Variants in FANCA observed in about 807,000 individuals in gnomAD.
FANCA encodes the protein Fanconi anemia group A protein.
A neutral mutation model predicts 194.3 loss-of-function variants in FANCA; 236 were observed. The ratio of observed to expected loss-of-function variants is 1.21; its 90% CI spans 1.09 to 1.35. FANCA has a LOEUF of 1.35. Ranked by LOEUF, FANCA falls within the 40% of genes most tolerant of loss-of-function variation. FANCA has a pLI of 0.00. For synonymous variants in FANCA, 1,014 were observed against 715.8 expected (o/e 1.42, Z -6.65); for missense variants, 2,628 against 1,813.9 (o/e 1.45, Z -8.15).
chr16:89,758,768 C>G lies in FANCA; in HGVS notation c.2853-63G>C, dbSNP rs2143226797. The G allele has an allele frequency of 1.9e-6, 3 of 1,602,572 alleles. No homozygotes were observed. The South Asian group carries it at 3.3e-5, about 18-fold the overall frequency. On this transcript the variant is annotated intron_variant, in intron 29 of 42. Transcript: ENST00000389301. ...CTTCGTGGCCAGCGGTTCCCCATAA[C>G]CAGGGAATAGGCCCATAGTAAGGGA...
intron 3 of FANCA, among the ~76,000 whole-genome samples, chr16:89,813,470 T>A (rs1019095681): frequency 1.3e-5 from 2 of 151,934 alleles, no homozygotes; most frequent in African/African-American, 4.8e-5. Flanking sequence ...TTTGCTCTTA[T>A]TGCCCAGGCT....
intron 14 of FANCA, among the ~76,000 whole-genome samples, chr16:89,790,083 A>T (rs1204137565): frequency 6.6e-6 from 1 of 152,210 alleles, no homozygotes; most frequent in African/African-American, 2.4e-5. Context: ...GAAATGAAGT[A>T]CTTGTTTCAG....
At chr16:89,795,873 G>A (rs2040228268) in intron 11 of FANCA, 33 bp downstream of exon 11, 4 of 1,516,820 alleles carry the variant, frequency 2.6e-6, no homozygotes, top group African/African-American at 1.4e-5. Context: ...CCCAAAATGG[G>A]TAGCAACTGA....
intron 8 of FANCA, among the ~76,000 whole-genome samples, chr16:89,801,465 T>A (rs1450306360): frequency 6.6e-6 from 1 of 151,880 alleles, no homozygotes; most frequent in African/African-American, 2.4e-5. Context: ...AAATAACAAA[T>A]GCTGGTGAGA....
chr16:89,737,779 T>A lies in FANCA; in HGVS notation c.*822A>T. On this transcript the variant is annotated 3_prime_UTR_variant, in exon 43 of 43. Transcript: ENST00000389301. ...CCGGGAGGTTGGAGCATCAGGGGCC[T>A]GGACTCACTGGACTCTCCCCTCTCA... is the stretch of plus-strand genomic sequence containing the variant. 1 of 1,614,046 alleles carries A rather than the reference T, an allele frequency of 6.2e-7. No individual in the cohort carries two copies. The highest frequency in any genetic ancestry group is 1.3e-5 in the African/African-American group (1 of 75,066).
At chr16:89,748,084 C>T (rs2038452596) in intron 33 of FANCA, among the ~76,000 whole-genome samples, 1 of 152,130 alleles carries the variant, frequency 6.6e-6, no homozygotes, top group Admixed American at 6.6e-5. Context: ...GCTAATTTTT[C>T]TATTTTTTGT....
At chr16:89,797,653 G>T (rs936182515) in intron 10 of FANCA, among the ~76,000 whole-genome samples, 1 of 152,158 alleles carries the variant, frequency 6.6e-6, no homozygotes, top group African/African-American at 2.4e-5. Flanking sequence ...TGAGGTGGGT[G>T]TTATCACTTG....
chr16:89,743,061 G>A, intron 36 of FANCA, 123 bp from the exon 37 acceptor site: 1 of 1,179,046 alleles, frequency 8.5e-7, no homozygotes, highest in Non-Finnish European at 1.2e-6. Context: ...GACAGAGAAG[G>A]GTTTCAGGAC....
rs551284164 is a variant in FANCA, at chr16:89,803,065, TAC to T, written c.792+192_792+193del. On this transcript the variant is annotated intron_variant, in intron 8 of 42. Transcript: ENST00000389301. ...AAATGTTGCCAACACACAGAAATGATACATACTGGAGGTGACGGAGACTCTAA... is the reference window on the plus strand; with the variant it reads ...AAATGTTGCCAACACACAGAAATGATATACTGGAGGTGACGGAGACTCTAA... 7.9e-5 allele frequency among the ~76,000 whole-genome samples: 12 copies of T among 152,328 alleles called. No homozygotes were observed. In the South Asian group the frequency reaches 2.3e-3, roughly 29 times the overall value.
chr16:89,785,990 C>T (rs974955527), intron 14 of FANCA, among the ~76,000 whole-genome samples: 3 of 145,968 alleles, frequency 2.1e-5, no homozygotes, highest in Non-Finnish European at 4.5e-5. Flanking sequence ...GCTGAGATTA[C>T]AGGCATTTGC....
chr16:89,772,893 A>T (rs2039372310), intron 22 of FANCA, among the ~76,000 whole-genome samples: 1 of 152,180 alleles, frequency 6.6e-6, no homozygotes, highest in Non-Finnish European at 1.5e-5. Context: ...ATTTTACAGA[A>T]AACCATCACA....
At chr16:89,747,161 A>G (rs2038419452) in intron 33 of FANCA, among the ~76,000 whole-genome samples, 1 of 152,188 alleles carries the variant, frequency 6.6e-6, no homozygotes, top group African/African-American at 2.4e-5. Context: ...GGGAGGCACA[A>G]GCAGCCGCAG....
intron 11 of FANCA, among the ~76,000 whole-genome samples, chr16:89,795,114 G>C (rs914480800): frequency 2.0e-5 from 3 of 151,840 alleles, no homozygotes; most frequent in Admixed American, 6.6e-5. Context: ...GTGAAAGCCC[G>C]TCTCTACTAA....
At chr16:89,744,456 T>C (rs1353162830) in intron 36 of FANCA, among the ~76,000 whole-genome samples, 1 of 152,138 alleles carries the variant, frequency 6.6e-6, no homozygotes, top group Non-Finnish European at 1.5e-5. Context: ...CGTGAATATC[T>C]GACTGGGGTC....
In FANCA at chr16:89,738,186, TGGGCCACCGAGCCCCTCTGTGAC is replaced by T; in HGVS notation, c.*392_*414del. On this transcript the variant is annotated 3_prime_UTR_variant, in exon 43 of 43. Transcript: ENST00000389301. ...TGCCCCTGGAGGCGGAACCACCACC[TGGGCCACCGAGCCCCTCTGTGAC>T]CACAGAGGGCCAGGCGGTGAAGCCC... 1 of 1,611,668 alleles carries T rather than the reference TGGGCCACCGAGCCCCTCTGTGAC, an allele frequency of 6.2e-7. No homozygotes were observed. The highest frequency in any genetic ancestry group is 1.3e-5 in the African/African-American group (1 of 74,984).
intron 14 of FANCA, among the ~76,000 whole-genome samples, chr16:89,785,807 T>C (rs1473835096): frequency 6.6e-6 from 1 of 151,398 alleles, no homozygotes; most frequent in Non-Finnish European, 1.5e-5. Flanking sequence ...AACTCCAACG[T>C]GAACTGAAGG....
Position 89,758,660 on chromosome 16 carries a change from C to T in FANCA, c.2898G>A (p.Glu966=). 1 of 1,613,992 alleles carries T rather than the reference C, an allele frequency of 6.2e-7. No individual in the cohort carries two copies. Reference sequence around the variant, plus strand: ...CGTCACAGCCCCCTGAAGCCGAGGACTCAGGGAGAAAGTGCTCATGGATCG... The same window carrying T: ...CGTCACAGCCCCCTGAAGCCGAGGATTCAGGGAGAAAGTGCTCATGGATCG... The part of the protein sequence containing the change: ...QWAIHEHFLP[E]SSASGGCDGD... Residue 966 remains glutamate (E), a synonymous_variant, in exon 30 of 43, where the codon GAG becomes GAA. Coordinates refer to ENST00000389301, the MANE Select transcript of FANCA (RefSeq NM_000135.4).
chr16:89,801,948 A>G (rs2040470730), intron 8 of FANCA, among the ~76,000 whole-genome samples: 1 of 152,234 alleles, frequency 6.6e-6, no homozygotes, highest in Non-Finnish European at 1.5e-5. Context: ...CAATCCCATT[A>G]CTGGGCTTAC....
At chr16:89,769,232 G>A (rs1440575661) in intron 26 of FANCA, among the ~76,000 whole-genome samples, 1 of 152,196 alleles carries the variant, frequency 6.6e-6, no homozygotes, top group Non-Finnish European at 1.5e-5. Flanking sequence ...TACAAGCCAA[G>A]CCCCAGCCAG....
Sources: allele counts gnomAD v4.1 joint callset (sites outside exome capture counted in the v4.1 genomes callset), GRCh38; gene constraint gnomAD v4.1.1; transcripts MANE v1.5; gene names NCBI Gene and HGNC (gene_info 2026-07-23, HGNC 2026-07-21).